GRM5: variants seen among roughly 807,000 people sequenced by gnomAD.
GRM5 encodes glutamate metabotropic receptor 5, also known as metabotropic glutamate receptor 5.
GRM5 carries 19 observed loss-of-function variants against 83.1 expected under a neutral mutation model. The observed-to-expected ratio is 0.23, with a 90% CI of 0.16 to 0.34. The LOEUF is 0.34. GRM5 is among the 10% of genes least tolerant of loss of function. The pLI is 1.00. For missense variants in GRM5, 1,160 were observed against 1,588.3 expected, an observed-to-expected ratio of 0.73 and a Z score of 4.58; for synonymous variants, 675 against 633.6, an observed-to-expected ratio of 1.07 and a Z score of -0.98.
At chr11:88,608,124 T>C (rs1381143865) in intron 4 of GRM5, among the ~76,000 whole-genome samples, 1 of 152,166 alleles carries the variant, frequency 6.6e-6, no homozygotes, top group Non-Finnish European at 1.5e-5. Flanking sequence ...TTCTGAGCCT[T>C]GGGGGAGCAG....
chr11:88,845,342 G>T (rs1485526748), intron 3 of GRM5, among the ~76,000 whole-genome samples: 5 of 143,392 alleles, frequency 3.5e-5, no homozygotes, highest in African/African-American at 1.0e-4. Context: ...TAGCAATAAA[G>T]TATATTTGAA....
intron 9 of GRM5, among the ~76,000 whole-genome samples, chr11:88,523,428 C>T (rs955384515): frequency 6.6e-6 from 1 of 152,072 alleles, no homozygotes; most frequent in East Asian, 1.9e-4. Flanking sequence ...TGCTGTTTGC[C>T]TAATTTTCAA....
intron 8 of GRM5, among the ~76,000 whole-genome samples, chr11:88,554,222 C>A (rs1236757450): frequency 2.0e-5 from 3 of 151,606 alleles, no homozygotes; most frequent in East Asian, 1.9e-4. Flanking sequence ...GGCTTCTATA[C>A]CCTTCCTCCA....
intron 3 of GRM5, among the ~76,000 whole-genome samples, chr11:88,806,593 A>G (rs1343328480): frequency 1.3e-5 from 2 of 152,176 alleles, no homozygotes; most frequent in African/African-American, 4.8e-5. Context: ...GCTTTCAAGA[A>G]TTGACTAATG....
intron 2 of GRM5, among the ~76,000 whole-genome samples, chr11:89,042,556 C>A (rs1417136626): frequency 6.6e-6 from 1 of 152,094 alleles, no homozygotes; most frequent in African/African-American, 2.4e-5. Flanking sequence ...CCATGATCAT[C>A]CCAAAATTTG....
At position 88,928,446 on chromosome 11, in the gene GRM5, A is replaced by G. The variant is rs1395145697; in HGVS notation, c.662-78291T>C. On this transcript the variant is annotated intron_variant, in intron 2 of 9. Coordinates refer to ENST00000305447, the MANE Select transcript of GRM5 (RefSeq NM_001143831.3). Reference sequence around the variant, plus strand: ...CATCTATGGATTGACAATCTATCATATGTGTGTGTGTGTGTGTGTATATAT... The same window carrying G: ...CATCTATGGATTGACAATCTATCATGTGTGTGTGTGTGTGTGTGTATATAT... Among the ~76,000 whole-genome samples, 50 of 144,728 alleles carry G rather than the reference A, an allele frequency of 3.5e-4. 1 individual carries two copies. The highest frequency in any genetic ancestry group is 3.6e-3 in the Middle Eastern group (1 of 278). The allele number at this position is 144,728 out of a possible 152,430, so 94.9% of individuals were successfully genotyped here. A position where few individuals can be genotyped will look rare whatever the true frequency, so the allele number is the denominator to read the frequency against.
intron 3 of GRM5, among the ~76,000 whole-genome samples, chr11:88,726,254 A>G (rs113521338): frequency 5.3e-5 from 8 of 152,324 alleles, no homozygotes; most frequent in East Asian, 1.9e-4. Context: ...ATAAGTATCA[A>G]TAGTCTAACC....
At chr11:89,021,542 A>T (rs1220943755) in intron 2 of GRM5, among the ~76,000 whole-genome samples, 2 of 152,240 alleles carry the variant, frequency 1.3e-5, no homozygotes, top group African/African-American at 4.8e-5. Context: ...TGCACAGCTC[A>T]GCACAATTTG....
chr11:88,872,170 G>A lies in GRM5; in HGVS notation c.662-22015C>T, dbSNP rs573571270. ...GGAAATTTTTGTGAGACTAATGAAAGCTACATGTTTCAGAAGATATCATAT... is the reference window on the plus strand; with the variant it reads ...GGAAATTTTTGTGAGACTAATGAAAACTACATGTTTCAGAAGATATCATAT... On this transcript the variant is annotated intron_variant, in intron 2 of 9. Coordinates refer to ENST00000305447, the MANE Select transcript of GRM5 (RefSeq NM_001143831.3). Among the ~76,000 whole-genome samples the A allele has an allele frequency of 7.3e-5, 11 of 151,478 alleles. No homozygotes were observed. In the South Asian group the frequency reaches 1.9e-3, roughly 26 times the overall value.
intron 3 of GRM5, among the ~76,000 whole-genome samples, chr11:88,660,938 T>G (rs1939888635): frequency 6.6e-6 from 1 of 152,196 alleles, no homozygotes; most frequent in East Asian, 1.9e-4. Context: ...GCTTAATGGT[T>G]CCTTCTGCTC....
intron 8 of GRM5, among the ~76,000 whole-genome samples, chr11:88,556,468 G>A (rs1005608881): frequency 5.3e-5 from 8 of 151,742 alleles, no homozygotes; most frequent in South Asian, 2.1e-4. Flanking sequence ...GATTACAGGT[G>A]CCCACCATCA....
chr11:88,849,729 G>C (rs564650482), intron 3 of GRM5, among the ~76,000 whole-genome samples, 177 bp downstream of exon 3: 1 of 152,140 alleles, frequency 6.6e-6, no homozygotes, highest in East Asian at 1.9e-4. Context: ...AGCACATGGC[G>C]GATCTACTTA....
intron 3 of GRM5, among the ~76,000 whole-genome samples, chr11:88,839,162 C>A (rs1944148197): frequency 6.6e-6 from 1 of 151,986 alleles, no homozygotes; most frequent in Non-Finnish European, 1.5e-5. Flanking sequence ...ACCTGGATAC[C>A]AAAATTAACC....
chr11:88,854,498 T>C (rs1944438146), intron 2 of GRM5, among the ~76,000 whole-genome samples: 1 of 152,054 alleles, frequency 6.6e-6, no homozygotes, highest in African/African-American at 2.4e-5. Context: ...TAATACTATT[T>C]GACCTGAATT....
intron 3 of GRM5, among the ~76,000 whole-genome samples, chr11:88,763,213 G>A (rs1047226050): frequency 2.0e-5 from 3 of 151,736 alleles, no homozygotes; most frequent in Non-Finnish European, 2.9e-5. Flanking sequence ...GACATTCTAA[G>A]ACAAGTAGAA....
chr11:88,697,983 A>G (rs757374195), intron 3 of GRM5, among the ~76,000 whole-genome samples: 5 of 152,160 alleles, frequency 3.3e-5, no homozygotes, highest in Non-Finnish European at 7.3e-5. Flanking sequence ...GTTCAAATCC[A>G]TCTGCTTTTC....
At chr11:88,970,665 G>A (rs893103783) in intron 2 of GRM5, among the ~76,000 whole-genome samples, 12 of 152,162 alleles carry the variant, frequency 7.9e-5, no homozygotes, top group African/African-American at 2.7e-4. Context: ...GCCCACTTTG[G>A]GCCAACGCAT....
At chr11:89,037,894 C>A (rs1941430729) in intron 2 of GRM5, among the ~76,000 whole-genome samples, 1 of 151,972 alleles carries the variant, frequency 6.6e-6, no homozygotes, top group African/African-American at 2.4e-5. Context: ...AGCTTCAAGA[C>A]ACAGAAGAAA....
At chr11:88,672,060 T>C (rs1413083050) in intron 3 of GRM5, among the ~76,000 whole-genome samples, 2 of 152,068 alleles carry the variant, frequency 1.3e-5, no homozygotes, top group Non-Finnish European at 2.9e-5. Context: ...CATCATTAAT[T>C]CATTTCATTC....
Sources: gnomAD v4.1 joint callset for allele counts (sites outside exome capture counted in the v4.1 genomes callset) on GRCh38, gnomAD v4.1.1 for gene constraint, MANE v1.5 for transcripts, NCBI Gene and HGNC (gene_info 2026-07-23, HGNC 2026-07-21) for gene names.